Variants in CMA1 observed in about 807,000 individuals in gnomAD.
The protein encoded by CMA1 is chymase 1, also known as chymase.
CMA1 carries 24 observed loss-of-function variants against 18.8 expected under a neutral mutation model. The ratio of observed to expected loss-of-function variants is 1.28; its 90% confidence interval spans 0.92 to 1.80. CMA1 has a LOEUF of 1.80. CMA1 is among the 40% of genes most tolerant of loss of function. The pLI, the probability that CMA1 is intolerant of heterozygous loss-of-function variation, is 0.00. For missense variants in CMA1, 421 were observed against 302.8 expected (o/e 1.39, Z -2.90); for synonymous variants, 152 against 117.0 (o/e 1.30, Z -1.93).
At chr14:24,506,729 C>T in intron 2 of CMA1, 125 bp from the exon 3 acceptor site, 2 of 1,176,242 alleles carry the variant, frequency 1.7e-6, no homozygotes, top group Non-Finnish European at 2.4e-6. Flanking sequence ...TACCCATCTC[C>T]CTTTTCATGG....
At chr14:24,507,049 T>C (rs1261442000) in intron 2 of CMA1, among the ~76,000 whole-genome samples, 4 of 152,130 alleles carry the variant, frequency 2.6e-5, no homozygotes, top group African/African-American at 9.7e-5. Flanking sequence ...GAAGTGGCCC[T>C]GAGACTGGGT....
chr14:24,507,567 A>G (rs2043869361), intron 1 of CMA1, 61 bp from the exon 2 acceptor site: 5 of 1,555,728 alleles, frequency 3.2e-6, no homozygotes, highest in South Asian at 2.5e-5. Context: ...ATGAATGGAC[A>G]AATTGGGTTA....
chr14:24,505,438 A>G lies in CMA1; in HGVS notation c.*78T>C. On this transcript the variant is annotated 3_prime_UTR_variant, in exon 5 of 5. Transcript: ENST00000250378. ...GGGTTGTGGCTGAGGGACCAAGGGT[A>G]GACCAGAATGAGTGGCACACACTTT... The G allele has an allele frequency of 6.3e-7, 1 of 1,586,404 alleles. No individual in the cohort carries two copies. Among genetic ancestry groups the G allele is most frequent in the Non-Finnish European group, 8.6e-7 (1 of 1,156,222 alleles).
At chr14:24,505,990 C>T (rs1478839222) in intron 4 of CMA1, 38 bp downstream of exon 4, 3 of 1,607,356 alleles carry the variant, frequency 1.9e-6, no homozygotes, top group Non-Finnish European at 1.7e-6. Flanking sequence ...GGTCCCTGAA[C>T]AGTGAGTTTT....
rs1178612953 is a variant in CMA1, at chr14:24,505,431, CAA to C, written c.*83_*84del. 3 of 1,578,840 alleles carry C rather than the reference CAA, an allele frequency of 1.9e-6. No individual in the cohort carries two copies. The African/African-American group carries it at 4.0e-5, about 21-fold the overall frequency. On this transcript the variant is annotated 3_prime_UTR_variant, in exon 5 of 5. Coordinates refer to ENST00000250378, the MANE Select transcript of CMA1 (RefSeq NM_001836.5). ...AGGCTTAGGGTTGTGGCTGAGGGAC[CAA>C]GGGTAGACCAGAATGAGTGGCACAC...
Position 24,507,462 on chromosome 14 carries a change from A to G in CMA1, c.103T>C (p.Tyr35His). ...GTTACAATTTCCAGGTAGGCCATGT[A>G]GGGGCGGGAATGTGGCTTGCATTCT... ...GTECKPHSRPYMAYLEIVTSN... is the reference protein window; with the variant it reads ...GTECKPHSRPHMAYLEIVTSN... Residue 35 changes from tyrosine (Y) to histidine (H), a missense_variant, in exon 2 of 5, where the codon TAC becomes CAC. Physicochemically the swap from Tyr to His is moderately conservative, Grantham distance 83. Coordinates refer to ENST00000250378, the MANE Select transcript of CMA1 (RefSeq NM_001836.5). 6.2e-7 allele frequency: 1 copy of G among 1,614,184 alleles called. No individual in the cohort carries two copies. Among genetic ancestry groups the G allele is most frequent in the Non-Finnish European group, 8.5e-7 (1 of 1,180,026 alleles).
Position 24,506,082 on chromosome 14 carries a change from G to A in CMA1, c.546C>T (p.Asp182=), listed in dbSNP as rs1174511505. 2.5e-6 allele frequency: 4 copies of A among 1,614,204 alleles called. No homozygotes were observed. In the South Asian group the frequency reaches 4.4e-5, roughly 18 times the overall value. The change falls in exon 4 of 5, where the codon GAC becomes GAT. Residue 182 remains aspartate (D), a synonymous_variant. Coordinates refer to ENST00000250378, the MANE Select transcript of CMA1 (RefSeq NM_001836.5). ...PQACSHFRDF[D]HNLQLCVGNP... ...TGCCCACACACAGCTGAAGATTGTG[G>A]TCAAAGTCTCTGAAGTGGCTGCAGG... is the stretch of plus-strand genomic sequence containing the variant.
intron 3 of CMA1, 30 bp downstream of exon 3, chr14:24,506,439 A>G: frequency 6.2e-7 from 1 of 1,613,018 alleles, no homozygotes; most frequent in Non-Finnish European, 8.5e-7. Flanking sequence ...GAGAATGGGA[A>G]GTGGAAAGGG....
intron 4 of CMA1, 119 bp from the exon 5 acceptor site, chr14:24,505,778 T>G: frequency 7.7e-7 from 1 of 1,299,778 alleles, no homozygotes; most frequent in East Asian, 2.3e-5. Context: ...AGCTCCTCAC[T>G]TATACATCTA....
Position 24,507,298 on chromosome 14 carries a change from G to A in CMA1, c.209+58C>T, listed in dbSNP as rs1459184382. ...CAGTCCCCAGTGCAGGTGTATTCCT[G>A]GATGCTACTCTGGTTGTTCATCTCC... On this transcript the variant is annotated intron_variant, in intron 2 of 4. Transcript: ENST00000250378. The A allele has an allele frequency of 2.4e-5, 38 of 1,602,910 alleles. No individual in the cohort carries two copies. In the East Asian group the frequency reaches 8.5e-4, roughly 36 times the overall value.
In CMA1 at chr14:24,505,629, C is replaced by T. The variant is rs1429114178; in HGVS notation, c.631G>A (p.Gly211Arg). 2 of 1,613,174 alleles carry T rather than the reference C, an allele frequency of 1.2e-6. No homozygotes were observed. Among genetic ancestry groups the T allele is most frequent in the South Asian group, 1.1e-5 (1 of 91,008 alleles). The change falls in exon 5 of 5, where the codon GGG (glycine) becomes AGG (arginine). Residue 211 changes from glycine to arginine, a missense_variant. Coordinates refer to ENST00000250378, the MANE Select transcript of CMA1 (RefSeq NM_001836.5). ...GDSGGPLLCA[G>R]VAQGIVSYGR... The stretch of plus-strand genomic sequence containing the variant: ...TAGGATACGATGCCCTGGGCCACCC[C>T]AGCACACAGAAGAGGGCCCCCAGAG...
At chr14:24,507,683 G>T (rs1376645989) in intron 1 of CMA1, among the ~76,000 whole-genome samples, 177 bp from the exon 2 acceptor site, 7 of 152,080 alleles carry the variant, frequency 4.6e-5, no homozygotes, top group Admixed American at 1.3e-4. Context: ...TAACCTCCCA[G>T]GTGAAATCTC....
Position 24,507,522 on chromosome 14 carries a change from C to G in CMA1, c.59-16G>C, listed in dbSNP as rs748370921. The G allele has an allele frequency of 6.2e-7, 1 of 1,608,396 alleles. No homozygotes were observed. Among genetic ancestry groups the G allele is most frequent in the South Asian group, 1.1e-5 (1 of 89,806 alleles). On this transcript the variant is annotated splice_polypyrimidine_tract_variant and intron_variant, in intron 1 of 4. Coordinates refer to ENST00000250378, the MANE Select transcript of CMA1 (RefSeq NM_001836.5). ...ATGATCTCCCCTGGAACAGAGCACC[C>G]CAGGGTTTGAACACGGCCATAGATA...
chr14:24,507,286 A>C (rs1442373380), intron 2 of CMA1, 70 bp downstream of exon 2: 8 of 1,569,836 alleles, frequency 5.1e-6, no homozygotes, highest in Non-Finnish European at 7.0e-6. Flanking sequence ...TCCCCAGTGC[A>C]GGTGTATTCC....
At chr14:24,506,811 A>G (rs765731183) in intron 2 of CMA1, among the ~76,000 whole-genome samples, 4 of 152,152 alleles carry the variant, frequency 2.6e-5, no homozygotes, top group Non-Finnish European at 5.9e-5. Context: ...CACAATTTCT[A>G]CGACCCCTGG....
chr14:24,506,473 A>G lies in CMA1; in HGVS notation c.341T>C (p.Leu114Pro), dbSNP rs1594786795. Residue 114 changes from leucine to proline, a missense_variant, in exon 3 of 5, where the codon CTA becomes CCA. Transcript: ENST00000250378. ...TSTLHHDIML[L>P]KLKEKASLTL... ...GGAGAAGAGAGGTGTTGTCACCTTTAGTAACATGATATCGTGGTGAAGAGT... is the reference window on the plus strand; with the variant it reads ...GGAGAAGAGAGGTGTTGTCACCTTTGGTAACATGATATCGTGGTGAAGAGT... The G allele has an allele frequency of 1.2e-6, 2 of 1,614,184 alleles. No individual in the cohort carries two copies. The highest frequency in any genetic ancestry group is 1.7e-5 in the Admixed American group (1 of 60,026).
chr14:24,505,750 G>T lies in CMA1; in HGVS notation c.601-91C>A, dbSNP rs963587828. 32 of 1,482,580 alleles carry T rather than the reference G, an allele frequency of 2.2e-5. No homozygotes were observed. In the African/African-American group the frequency reaches 3.9e-4, roughly 18 times the overall value. The allele number at this position is 1,482,580 out of a possible 1,614,324, so 91.8% of individuals were successfully genotyped here. A position where few individuals can be genotyped will look rare whatever the true frequency, so the allele number is the denominator to read the frequency against. ...GCTTGGAGTCACAGTGAGACCTAAA[G>T]TCAGACGCAGGAGGTGGAGCTCCTC... On this transcript the variant is annotated intron_variant, in intron 4 of 4. Transcript: ENST00000250378.
intron 1 of CMA1, 56 bp downstream of exon 1, chr14:24,508,122 T>A: frequency 6.6e-7 from 1 of 1,513,788 alleles, no homozygotes; most frequent in African/African-American, 1.4e-5. Flanking sequence ...AGACTAAACA[T>A]CTTTGTTTCA....
intron 3 of CMA1, 79 bp downstream of exon 3, chr14:24,506,390 A>G: frequency 6.3e-7 from 1 of 1,597,000 alleles, no homozygotes; most frequent in Non-Finnish European, 8.5e-7. Context: ...AAGTCCTAAG[A>G]AAAATTCAGG....
Sources: gnomAD v4.1 joint callset for allele counts (sites outside exome capture counted in the v4.1 genomes callset) on GRCh38, gnomAD v4.1.1 for gene constraint, MANE v1.5 for transcripts, NCBI Gene and HGNC (gene_info 2026-07-23, HGNC 2026-07-21) for gene names.